Variants in PARD3 observed in about 807,000 individuals in gnomAD.
The protein encoded by PARD3 is partitioning defective 3 homolog.
In PARD3, 75 loss-of-function variants were observed where a neutral mutation model predicts 155.4. The ratio of observed to expected loss-of-function variants is 0.48; its 90% CI spans 0.40 to 0.58. PARD3 has a LOEUF of 0.58. PARD3 is among the 20% of genes least tolerant of loss of function. PARD3 has a pLI of 0.00. For missense variants in PARD3, 1,642 were observed against 1,721.7 expected, an observed-to-expected ratio of 0.95 and a Z score of 0.82; for synonymous variants, 576 against 610.5, an observed-to-expected ratio of 0.94 and a Z score of 0.83.
intron 1 of PARD3, among the ~76,000 whole-genome samples, chr10:34,766,617 C>CA (rs34958448): frequency 0.042 from 3,438 of 81,768 alleles, 171 homozygotes; most frequent in African/African-American, 0.11. Flanking sequence ...ACTTAATTGA[C>CA]AAAAAAAAAA....
At chr10:34,749,001 C>CAACT (rs1190868333) in intron 1 of PARD3, among the ~76,000 whole-genome samples, 6 of 152,226 alleles carry the variant, frequency 3.9e-5, no homozygotes, top group African/African-American at 1.4e-4. Flanking sequence ...ACCTGATGCA[C>CAACT]AACTGGCTGT....
At chr10:34,219,651 G>A (rs549524004) in intron 22 of PARD3, among the ~76,000 whole-genome samples, 3 of 152,198 alleles carry the variant, frequency 2.0e-5, no homozygotes, top group East Asian at 1.9e-4. Flanking sequence ...GTTCCTTGCC[G>A]AGCCTAACCT....
Position 34,306,887 on chromosome 10 carries a change from A to G in PARD3, c.3065+10220T>C, listed in dbSNP as rs1957438246. ...CATACACTATTCACCGCTGATTCCA[A>G]AAGTATTTTTTTTTTTTGAGACGGA... On this transcript the variant is annotated intron_variant, in intron 20 of 24. Coordinates refer to ENST00000374788, the MANE Select transcript of PARD3 (RefSeq NM_001184785.2). Among the ~76,000 whole-genome samples the G allele has an allele frequency of 2.0e-5, 3 of 151,938 alleles. No homozygotes were observed. In the South Asian group the frequency reaches 6.2e-4, roughly 32 times the overall value.
chr10:34,600,482 G>A (rs1437262257), intron 2 of PARD3, among the ~76,000 whole-genome samples: 1 of 152,104 alleles, frequency 6.6e-6, no homozygotes, highest in East Asian at 1.9e-4. Context: ...CAGTGTTAGG[G>A]AGGATGTGAA....
At position 34,157,372 on chromosome 10, in the gene PARD3, G is replaced by T. The variant is rs185055540; in HGVS notation, c.3420-25789C>A. On this transcript the variant is annotated intron_variant, in intron 22 of 24. Coordinates refer to ENST00000374788, the MANE Select transcript of PARD3 (RefSeq NM_001184785.2). The stretch of plus-strand genomic sequence containing the variant: ...TAAGAAGTCAGATTTTGAGGGCAGG[G>T]AGCCAGTCATATTCACCTTTGTTTC... Among the ~76,000 whole-genome samples, 873 of 152,274 alleles carry T rather than the reference G, an allele frequency of 5.7e-3. 6 individuals are homozygous for T. Among genetic ancestry groups the T allele is most frequent in the African/African-American group, 0.02 (812 of 41,534 alleles).
chr10:34,302,008 A>G (rs1957177541), intron 20 of PARD3, among the ~76,000 whole-genome samples: 1 of 151,974 alleles, frequency 6.6e-6, no homozygotes, highest in African/African-American at 2.4e-5. Context: ...CACTGTGGTT[A>G]GAGGAATCTT....
chr10:34,751,547 G>T (rs1380210761), intron 1 of PARD3, among the ~76,000 whole-genome samples: 2 of 152,134 alleles, frequency 1.3e-5, no homozygotes, highest in African/African-American at 4.8e-5. Flanking sequence ...TATCAGCCCT[G>T]GGTCTGGGGG....
intron 22 of PARD3, among the ~76,000 whole-genome samples, chr10:34,229,375 A>G (rs34027302): frequency 0.027 from 4,172 of 151,894 alleles, 99 homozygotes; most frequent in Non-Finnish European, 0.039. Flanking sequence ...GTGTACCACT[A>G]TGCGCAGCTA....
chr10:34,185,983 G>T (rs1950476528), intron 22 of PARD3, among the ~76,000 whole-genome samples: 1 of 152,092 alleles, frequency 6.6e-6, no homozygotes, highest in African/African-American at 2.4e-5. Flanking sequence ...TTACAGAGAG[G>T]AAACCTTTGT....
chr10:34,393,815 G>C (rs1490864309), intron 7 of PARD3, among the ~76,000 whole-genome samples: 1 of 150,780 alleles, frequency 6.6e-6, no homozygotes, highest in Non-Finnish European at 1.5e-5. Context: ...AGATTATGAA[G>C]CCCAAGTAAG....
At chr10:34,255,311 T>C (rs1954600260) in intron 22 of PARD3, among the ~76,000 whole-genome samples, 1 of 152,168 alleles carries the variant, frequency 6.6e-6, no homozygotes, top group Admixed American at 6.5e-5. Flanking sequence ...TGTCTGTACC[T>C]TGCTCAACTG....
chr10:34,689,849 G>A (rs1347818640), intron 2 of PARD3, among the ~76,000 whole-genome samples: 3 of 152,144 alleles, frequency 2.0e-5, no homozygotes, highest in Non-Finnish European at 2.9e-5. Flanking sequence ...AAACAAGAGT[G>A]CATGACTTTC....
At chr10:34,674,002 C>A (rs866988437) in intron 2 of PARD3, among the ~76,000 whole-genome samples, 3,261 of 106,752 alleles carry the variant, frequency 0.031, 143 homozygotes, top group African/African-American at 0.076. Flanking sequence ...AAAAAACAAA[C>A]AAACAGGAGG....
intron 19 of PARD3, among the ~76,000 whole-genome samples, chr10:34,328,036 G>A (rs183838078): frequency 6.6e-6 from 1 of 152,178 alleles, no homozygotes. Context: ...TTAGGAAGCC[G>A]AAGGAGGGCT....
intron 5 of PARD3, among the ~76,000 whole-genome samples, chr10:34,404,873 C>T (rs188175596): frequency 2.6e-4 from 40 of 152,162 alleles, no homozygotes; most frequent in Non-Finnish European, 4.9e-4. Context: ...GGCTTAACAC[C>T]AGGAGTTCAA....
intron 22 of PARD3, among the ~76,000 whole-genome samples, chr10:34,137,138 T>G (rs935769435): frequency 6.6e-6 from 1 of 152,222 alleles, no homozygotes; most frequent in South Asian, 2.1e-4. Context: ...AGGATACATG[T>G]GCAGGATGTG....
At chr10:34,160,165 T>C (rs1004060303) in intron 22 of PARD3, among the ~76,000 whole-genome samples, 1 of 152,230 alleles carries the variant, frequency 6.6e-6, no homozygotes, top group African/African-American at 2.4e-5. Flanking sequence ...GCAATGCAAA[T>C]AGATGGCCTA....
intron 22 of PARD3, among the ~76,000 whole-genome samples, chr10:34,204,782 T>C (rs1196195227): frequency 6.6e-6 from 1 of 152,230 alleles, no homozygotes; most frequent in Admixed American, 6.5e-5. Context: ...AGATTTTGAA[T>C]TCGTGGTATC....
intron 20 of PARD3, among the ~76,000 whole-genome samples, chr10:34,286,727 C>T (rs886794063): frequency 6.6e-6 from 1 of 152,166 alleles, no homozygotes; most frequent in Non-Finnish European, 1.5e-5. Flanking sequence ...TGAAAAGCCA[C>T]TGAAGGATTT....
Sources: gnomAD v4.1 joint callset for allele counts (sites outside exome capture counted in the v4.1 genomes callset) on GRCh38, gnomAD v4.1.1 for gene constraint, MANE v1.5 for transcripts, NCBI Gene and HGNC (gene_info 2026-07-23, HGNC 2026-07-21) for gene names.